The following SLC7A2 variants were observed in gnomAD, a reference collection of about 807,000 sequenced individuals.
SLC7A2 encodes the protein cationic amino acid transporter 2.
Under a neutral mutation model 58.9 loss-of-function variants are expected in SLC7A2, and 48 were observed. The observed-to-expected ratio is 0.82, with a 90% CI of 0.65 to 1.04. The LOEUF (loss-of-function observed/expected upper bound fraction) is 1.04, where lower values mean the gene tolerates loss of function less well. SLC7A2 is among the 50% of genes least tolerant of loss of function. SLC7A2 has a pLI of 0.00. For synonymous variants in SLC7A2, 363 were observed against 314.5 expected (o/e 1.15, Z -1.63); for missense variants, 1,029 against 818.8 (o/e 1.26, Z -3.13).
chr8:17,530,328 C>A (rs1243530989), intron 2 of SLC7A2, among the ~76,000 whole-genome samples: 1 of 152,132 alleles, frequency 6.6e-6, no homozygotes, highest in Non-Finnish European at 1.5e-5. Flanking sequence ...GGCAAGGGGG[C>A]AAGGTGGGGG....
At chr8:17,537,904 C>G (rs936876585) in intron 2 of SLC7A2, among the ~76,000 whole-genome samples, 1 of 152,194 alleles carries the variant, frequency 6.6e-6, no homozygotes, top group Non-Finnish European at 1.5e-5. Context: ...TTCTGTTCCC[C>G]AAGCCTAAAC....
chr8:17,541,712 C>G (rs1387502041), intron 2 of SLC7A2, among the ~76,000 whole-genome samples: 1 of 152,054 alleles, frequency 6.6e-6, no homozygotes, highest in Non-Finnish European at 1.5e-5. Context: ...ATTTCTTTTG[C>G]ATATAAGTTG....
rs1011586259 is a variant in SLC7A2 at position 17,535,625 on chromosome 8, G to A, written c.-22-7693G>A. Among the ~76,000 whole-genome samples, 44 of 152,178 alleles carry A rather than the reference G, an allele frequency of 2.9e-4. 1 individual carries two copies. Among genetic ancestry groups the A allele is most frequent in the African/African-American group, 1.0e-3 (42 of 41,440 alleles). ...TTATAAGAAATTTACATTTTTGGCC[G>A]GGCGCGGTGGCTTACGCCTGTAATC... On this transcript the variant is annotated intron_variant, in intron 2 of 12. Coordinates refer to ENST00000494857, the MANE Select transcript of SLC7A2 (RefSeq NM_001370338.1).
At chr8:17,562,178 GTATTTTTTTTTTTTTT>G in intron 11 of SLC7A2, 68 bp downstream of exon 11, 4 of 478,208 alleles carry the variant, frequency 8.4e-6, no homozygotes, top group Admixed American at 5.7e-5. Flanking sequence ...AGTTTGGTAA[GTATTTTTTTTTTTTTT>G]TTTTTTTTTT....
At chr8:17,539,538 A>C (rs1270513695) in intron 2 of SLC7A2, among the ~76,000 whole-genome samples, 3 of 152,208 alleles carry the variant, frequency 2.0e-5, no homozygotes, top group Admixed American at 2.0e-4. Flanking sequence ...TTATTGAAGA[A>C]AGATATCTGT....
chr8:17,543,214 ACAAACACAC>A, intron 2 of SLC7A2, 95 bp from the exon 3 acceptor site: 1 of 987,052 alleles, frequency 1.0e-6, no homozygotes, highest in Non-Finnish European at 1.5e-6. Flanking sequence ...ACACACACAC[ACAAACACAC>A]ACACACACAT....
chr8:17,528,333 G>A (rs888282107), intron 2 of SLC7A2, among the ~76,000 whole-genome samples: 1 of 152,124 alleles, frequency 6.6e-6, no homozygotes, highest in Non-Finnish European at 1.5e-5. Flanking sequence ...TTCTTGAGAG[G>A]TTCATATTTT....
intron 4 of SLC7A2, among the ~76,000 whole-genome samples, chr8:17,547,671 CAA>C (rs932221946): frequency 2.6e-5 from 4 of 151,950 alleles, no homozygotes; most frequent in African/African-American, 7.3e-5. Flanking sequence ...TTGTAACAAA[CAA>C]AGAGTGATCT....
intron 4 of SLC7A2, among the ~76,000 whole-genome samples, chr8:17,547,682 CTAAT>C (rs1802237808): frequency 6.6e-6 from 1 of 151,844 alleles, no homozygotes; most frequent in East Asian, 1.9e-4. Flanking sequence ...AAAGAGTGAT[CTAAT>C]TGTCTATAAA....
At chr8:17,501,545 C>T (rs1800160238) in intron 1 of SLC7A2, among the ~76,000 whole-genome samples, 1 of 151,966 alleles carries the variant, frequency 6.6e-6, no homozygotes, top group Admixed American at 6.6e-5. Flanking sequence ...GACATGTGGT[C>T]CCCTGTTATT....
chr8:17,518,711 A>G (rs1446055133), intron 2 of SLC7A2, among the ~76,000 whole-genome samples: 1 of 152,160 alleles, frequency 6.6e-6, no homozygotes, highest in Non-Finnish European at 1.5e-5. Flanking sequence ...GCTAATCATT[A>G]TATTATATTC....
intron 5 of SLC7A2, among the ~76,000 whole-genome samples, chr8:17,549,528 C>T (rs972573554): frequency 3.3e-5 from 5 of 152,198 alleles, no homozygotes; most frequent in African/African-American, 1.2e-4. Flanking sequence ...CAGTTTGCCA[C>T]CACTAAATAA....
At position 17,565,390 on chromosome 8, in the gene SLC7A2, G is replaced by A. The variant is rs79003887; in HGVS notation, c.*244G>A. 1.7e-5 allele frequency: 8 copies of A among 472,390 alleles called. No homozygotes were observed. Among genetic ancestry groups the A allele is most frequent in the African/African-American group, 3.9e-5 (2 of 51,112 alleles). 29.3% of individuals were successfully genotyped at this position (472,390 alleles called of 1,614,324 possible). On this transcript the variant is annotated 3_prime_UTR_variant, in exon 13 of 13. Coordinates refer to ENST00000494857, the MANE Select transcript of SLC7A2 (RefSeq NM_001370338.1). ...GCCCCCAAACAGTGGGAGTGTGTATGTATGTGTGTATGTATGTATCTATGT... is the reference window on the plus strand; with the variant it reads ...GCCCCCAAACAGTGGGAGTGTGTATATATGTGTGTATGTATGTATCTATGT...
chr8:17,508,957 C>T (rs1007949374), intron 2 of SLC7A2, among the ~76,000 whole-genome samples: 4 of 151,994 alleles, frequency 2.6e-5, no homozygotes, highest in Non-Finnish European at 5.9e-5. Context: ...ATCGTTGCCG[C>T]CTTTTGGTGG....
intron 2 of SLC7A2, among the ~76,000 whole-genome samples, chr8:17,537,365 T>C (rs1801714354): frequency 6.6e-6 from 1 of 152,200 alleles, no homozygotes; most frequent in African/African-American, 2.4e-5. Context: ...CCTGTGTGGC[T>C]TCTACTGCCA....
intron 5 of SLC7A2, among the ~76,000 whole-genome samples, chr8:17,549,186 C>A (rs1002340760): frequency 3.9e-5 from 6 of 152,220 alleles, no homozygotes; most frequent in Non-Finnish European, 5.9e-5. Flanking sequence ...CCACTGGGTC[C>A]CTGCCACAAC....
At chr8:17,555,348 G>A (rs927522106) in intron 8 of SLC7A2, among the ~76,000 whole-genome samples, 1 of 151,878 alleles carries the variant, frequency 6.6e-6, no homozygotes, top group African/African-American at 2.4e-5. Flanking sequence ...ATGTACAAAG[G>A]GTTATAATAG....
intron 2 of SLC7A2, among the ~76,000 whole-genome samples, chr8:17,518,081 T>C (rs1261186934): frequency 6.6e-6 from 1 of 152,168 alleles, no homozygotes; most frequent in Non-Finnish European, 1.5e-5. Flanking sequence ...ATGAATCGTC[T>C]CTATTATTAA....
intron 2 of SLC7A2, among the ~76,000 whole-genome samples, chr8:17,541,734 T>G (rs959114757): frequency 6.6e-6 from 1 of 152,216 alleles, no homozygotes; most frequent in African/African-American, 2.4e-5. Flanking sequence ...ACATATTCAT[T>G]GGAGACAAAT....
Sources: gnomAD v4.1 joint callset for allele counts (sites outside exome capture counted in the v4.1 genomes callset) on GRCh38, gnomAD v4.1.1 for gene constraint, MANE v1.5 for transcripts, NCBI Gene and HGNC (gene_info 2026-07-23, HGNC 2026-07-21) for gene names.